The following PKIA variants were observed in gnomAD, a reference collection of about 807,000 sequenced individuals.
The protein encoded by PKIA is cAMP-dependent protein kinase inhibitor alpha, also known as PKI-alpha.
In PKIA, 4 loss-of-function variants were observed where a neutral mutation model predicts 7.6. That is an observed-to-expected ratio of 0.52 (90% CI 0.26 to 1.20). The LOEUF (loss-of-function observed/expected upper bound fraction) is 1.20, where lower values mean the gene tolerates loss of function less well. Among genes scored for constraint, PKIA ranks in the 50% most tolerant of loss-of-function variants. The pLI, the probability that PKIA is intolerant of heterozygous loss-of-function variation, is 0.13. For missense variants in PKIA, 73 were observed against 86.2 expected (o/e 0.85, Z 0.61); for synonymous variants, 21 against 30.7 (o/e 0.68, Z 1.04).
chr8:78,530,501 A>G (rs1315932634), intron 1 of PKIA, among the ~76,000 whole-genome samples: 1 of 152,082 alleles, frequency 6.6e-6, no homozygotes, highest in African/African-American at 2.4e-5. Flanking sequence ...CATGTTAAAC[A>G]GGTTCTTAGA....
At position 78,605,162 on chromosome 8, in the gene PKIA, G is replaced by C. The variant is rs1450389260; in HGVS notation, c.*3341G>C. 1 of 152,002 alleles carries C rather than the reference G, an allele frequency of 6.6e-6. No individual in the cohort carries two copies. The highest frequency in any genetic ancestry group is 1.5e-5 in the Non-Finnish European group (1 of 67,968). The allele number at this position is 152,002 out of a possible 1,614,324, so 9.4% of individuals were successfully genotyped here. Reference sequence around the variant, plus strand: ...CCTAAATTGTTCTTTAATTACAAGAGTGGCAGTCTCTGAAGTCATTTGTGA... The same window carrying C: ...CCTAAATTGTTCTTTAATTACAAGACTGGCAGTCTCTGAAGTCATTTGTGA... On this transcript the variant is annotated 3_prime_UTR_variant, in exon 4 of 4. Coordinates refer to ENST00000396418, the MANE Select transcript of PKIA (RefSeq NM_006823.4).
At chr8:78,523,686 C>CA (rs1209792004) in intron 1 of PKIA, among the ~76,000 whole-genome samples, 4 of 151,414 alleles carry the variant, frequency 2.6e-5, no homozygotes, top group African/African-American at 9.7e-5. Context: ...TTTCCATTTC[C>CA]AAAATGTAAT....
rs1043139919 is a variant in PKIA at position 78,574,512 on chromosome 8, A to G, written c.-28+1573A>G. Among the ~76,000 whole-genome samples the G allele has an allele frequency of 2.6e-5, 4 of 152,044 alleles. No individual in the cohort carries two copies. In the South Asian group the frequency reaches 8.3e-4, roughly 32 times the overall value. On this transcript the variant is annotated intron_variant, in intron 2 of 3. Transcript: ENST00000396418. Reference sequence around the variant, plus strand: ...GCATTTCCAAGAGAGAACAAAATCCATTTCATTAAAGAAGGAAATGTAAAA... The same window carrying G: ...GCATTTCCAAGAGAGAACAAAATCCGTTTCATTAAAGAAGGAAATGTAAAA...
At chr8:78,595,226 C>T (rs545742607) in intron 2 of PKIA, among the ~76,000 whole-genome samples, 1 of 152,080 alleles carries the variant, frequency 6.6e-6, no homozygotes, top group Non-Finnish European at 1.5e-5. Flanking sequence ...AAAAAAACTA[C>T]ATAAAGTAGT....
At chr8:78,585,849 A>G (rs1807938217) in intron 2 of PKIA, among the ~76,000 whole-genome samples, 1 of 152,178 alleles carries the variant, frequency 6.6e-6, no homozygotes, top group African/African-American at 2.4e-5. Context: ...AAAAGAAAAG[A>G]TCGCCGAGTT....
intron 1 of PKIA, among the ~76,000 whole-genome samples, chr8:78,540,611 T>C (rs952429277): frequency 3.9e-5 from 6 of 152,212 alleles, no homozygotes; most frequent in Admixed American, 2.0e-4. Flanking sequence ...TCCTGCTCTT[T>C]TTCCTGTGAA....
At position 78,545,341 on chromosome 8, in the gene PKIA, C is replaced by G. The variant is rs577183335; in HGVS notation, c.-156-27470C>G. 7.2e-5 allele frequency among the ~76,000 whole-genome samples: 11 copies of G among 151,896 alleles called. No individual in the cohort carries two copies. The East Asian group carries it at 2.1e-3, about 29-fold the overall frequency. ...TCAGTTGTGGGCTGAGATAGAAATA[C>G]CATTGTCATGGCAACCACCAAAAAT... On this transcript the variant is annotated intron_variant, in intron 1 of 3. Coordinates refer to ENST00000396418, the MANE Select transcript of PKIA (RefSeq NM_006823.4).
chr8:78,523,977 TATTTATAAATATATATAAAC>T, intron 1 of PKIA, among the ~76,000 whole-genome samples: 1 of 125,312 alleles, frequency 8.0e-6, no homozygotes, highest in Admixed American at 8.4e-5. Context: ...TAAACATTTA[TATTTATAAATATATATAAAC>T]ATTTATATAT....
At chr8:78,585,281 A>G (rs542609714) in intron 2 of PKIA, among the ~76,000 whole-genome samples, 11 of 151,956 alleles carry the variant, frequency 7.2e-5, no homozygotes, top group African/African-American at 2.4e-4. Flanking sequence ...TCTTATTTAC[A>G]CTTACATTTA....
At chr8:78,543,619 A>G (rs1313494091) in intron 1 of PKIA, among the ~76,000 whole-genome samples, 2 of 152,182 alleles carry the variant, frequency 1.3e-5, no homozygotes, top group African/African-American at 4.8e-5. Flanking sequence ...AAACCCAGGC[A>G]TTAACGTGGA....
At chr8:78,550,608 C>T (rs1037721068) in intron 1 of PKIA, among the ~76,000 whole-genome samples, 16 of 152,000 alleles carry the variant, frequency 1.1e-4, no homozygotes, top group African/African-American at 3.9e-4. Flanking sequence ...GACAGACACT[C>T]CCCTGATCAC....
chr8:78,547,305 A>G (rs1052949308), intron 1 of PKIA, among the ~76,000 whole-genome samples: 2 of 151,898 alleles, frequency 1.3e-5, no homozygotes, highest in African/African-American at 2.4e-5. Flanking sequence ...GGGTTTCACC[A>G]TATTAGCCAA....
chr8:78,540,798 A>G (rs1806667288), intron 1 of PKIA, among the ~76,000 whole-genome samples: 1 of 151,926 alleles, frequency 6.6e-6, no homozygotes, highest in Non-Finnish European at 1.5e-5. Context: ...AAAAATCTGT[A>G]TTACATATAA....
chr8:78,539,326 A>T (rs1207737992), intron 1 of PKIA, among the ~76,000 whole-genome samples: 1 of 152,106 alleles, frequency 6.6e-6, no homozygotes, highest in Non-Finnish European at 1.5e-5. Flanking sequence ...TCTTCAGGAA[A>T]TGGCAGTTGC....
chr8:78,519,930 T>G (rs947714658), intron 1 of PKIA, among the ~76,000 whole-genome samples: 3 of 152,190 alleles, frequency 2.0e-5, no homozygotes, highest in Non-Finnish European at 4.4e-5. Flanking sequence ...CCCATCTTCC[T>G]TCCCCAACCA....
rs554022053 is a variant in PKIA at position 78,521,176 on chromosome 8, C to T, written c.-157+4708C>T. On this transcript the variant is annotated intron_variant, in intron 1 of 3. Coordinates refer to ENST00000396418, the MANE Select transcript of PKIA (RefSeq NM_006823.4). ...TTGTACTACCACATATGTGGGAAAA[C>T]ATTGCCAGCAGTTGATTGGTGTAGT... Among the ~76,000 whole-genome samples, 3 of 152,202 alleles carry T rather than the reference C, an allele frequency of 2.0e-5. No homozygotes were observed. The East Asian group carries it at 5.8e-4, about 29-fold the overall frequency.
At position 78,524,009 on chromosome 8, in the gene PKIA, AATAT is replaced by A. The variant is rs1262287007; in HGVS notation, c.-157+7547_-157+7550del. Among the ~76,000 whole-genome samples, 4 of 89,726 alleles carry A rather than the reference AATAT, an allele frequency of 4.5e-5. 1 individual carries two copies. Among genetic ancestry groups the A allele is most frequent in the Non-Finnish European group, 2.1e-5 (1 of 46,854 alleles). The allele number at this position is 89,726 out of a possible 152,430, so 58.9% of individuals were successfully genotyped here. A position where few individuals can be genotyped will look rare whatever the true frequency, so the allele number is the denominator to read the frequency against. On this transcript the variant is annotated intron_variant, in intron 1 of 3. Transcript: ENST00000396418. ...AAATATATATAAACATTTATATATAAATATATATAAACGTTTATATAAACGTTTA... is the reference window on the plus strand; with the variant it reads ...AAATATATATAAACATTTATATATAAATATAAACGTTTATATAAACGTTTA...
chr8:78,541,015 T>C (rs912872650), intron 1 of PKIA, among the ~76,000 whole-genome samples: 1 of 152,084 alleles, frequency 6.6e-6, no homozygotes, highest in African/African-American at 2.4e-5. Flanking sequence ...CAAGGTACAT[T>C]TACAAAATTT....
intron 2 of PKIA, among the ~76,000 whole-genome samples, chr8:78,583,871 T>A (rs1807881403): frequency 6.6e-6 from 1 of 152,036 alleles, no homozygotes. Context: ...AAAATCTGAT[T>A]TTTCAAAAAA....
Sources: gnomAD v4.1 joint callset for allele counts (sites outside exome capture counted in the v4.1 genomes callset) on GRCh38, gnomAD v4.1.1 for gene constraint, MANE v1.5 for transcripts, NCBI Gene and HGNC (gene_info 2026-07-23, HGNC 2026-07-21) for gene names.